Variants in SLC24A2 observed in about 807,000 individuals in gnomAD.
The protein encoded by SLC24A2 is sodium/potassium/calcium exchanger 2.
Under a neutral mutation model 62.0 loss-of-function variants are expected in SLC24A2, and 36 were observed. That is an observed-to-expected ratio of 0.58 (90% confidence interval 0.44 to 0.77). SLC24A2 has a LOEUF of 0.77. Ranked by LOEUF, SLC24A2 falls within the 30% of genes least tolerant of loss-of-function variation. SLC24A2 has a pLI of 0.00. For synonymous variants in SLC24A2, 358 were observed against 294.0 expected (o/e 1.22, Z -2.23); for missense variants, 846 against 817.9 (o/e 1.03, Z -0.42).
Position 19,682,851 on chromosome 9 carries a change from C to T in SLC24A2, c.931-60552G>A, listed in dbSNP as rs141045182. On this transcript the variant is annotated intron_variant, in intron 2 of 10. Coordinates refer to ENST00000341998, the MANE Select transcript of SLC24A2 (RefSeq NM_020344.4). ...TTTGAAGGTAGGGCCAAAGGGAAAC[C>T]CCAGAAAAGTCATGACTTACATCCA... Among the ~76,000 whole-genome samples, 332 of 151,840 alleles carry T rather than the reference C, an allele frequency of 2.2e-3. 3 individuals are homozygous for T. Among genetic ancestry groups the T allele is most frequent in the African/African-American group, 7.6e-3 (316 of 41,412 alleles).
At chr9:20,100,877 A>G in the SLC24A2 span, among the ~76,000 whole-genome samples, 766 of 152,242 alleles carry the variant, frequency 5.0e-3, 10 homozygotes, top group African/African-American at 0.018. Flanking sequence ...TTATCTTGGA[A>G]AGAAGCAAAT....
chr9:19,854,267 AT>A, the SLC24A2 span, among the ~76,000 whole-genome samples: 269 of 151,648 alleles, frequency 1.8e-3, no homozygotes, highest in African/African-American at 6.3e-3. Flanking sequence ...GGATTTGTTG[AT>A]TTTTTTTGAA....
the SLC24A2 span, among the ~76,000 whole-genome samples, chr9:20,282,876 T>G: frequency 6.6e-6 from 1 of 152,228 alleles, no homozygotes; most frequent in Non-Finnish European, 1.5e-5. Flanking sequence ...ATGTAATACA[T>G]GACTCTGCAA....
chr9:20,104,253 G>C, the SLC24A2 span, among the ~76,000 whole-genome samples: 1 of 152,180 alleles, frequency 6.6e-6, no homozygotes, highest in East Asian at 1.9e-4. Context: ...GGGGAGAATG[G>C]AACCAAGTTG....
the SLC24A2 span, among the ~76,000 whole-genome samples, chr9:20,044,009 C>T: frequency 1.8e-3 from 276 of 152,274 alleles, 1 homozygote; most frequent in African/African-American, 6.5e-3. Flanking sequence ...CCAGAGCCAT[C>T]CCAACCATCA....
chr9:19,780,286 G>C (rs1183854890), intron 2 of SLC24A2, among the ~76,000 whole-genome samples: 1 of 110,876 alleles, frequency 9.0e-6, no homozygotes, highest in East Asian at 2.6e-4. Flanking sequence ...TTTTTTTTTT[G>C]AGATGGAGTC....
chr9:19,822,695 T>C, the SLC24A2 span, among the ~76,000 whole-genome samples: 1 of 152,264 alleles, frequency 6.6e-6, no homozygotes, highest in African/African-American at 2.4e-5. Flanking sequence ...GACGATGTGA[T>C]TGCATAGGCT....
At chr9:19,584,273 T>TAAAAAAAAAAAAAAAAACAAAA (rs1836294385) in intron 5 of SLC24A2, among the ~76,000 whole-genome samples, 5 of 119,928 alleles carry the variant, frequency 4.2e-5, no homozygotes, top group Non-Finnish European at 7.0e-5. Context: ...TAGCAAATAG[T>TAAAAAAAAAAAAAAAAACAAAA]AAAAAAAAAA....
At chr9:19,526,389 T>G (rs6475341) in intron 9 of SLC24A2, among the ~76,000 whole-genome samples, 2 of 152,026 alleles carry the variant, frequency 1.3e-5, no homozygotes, top group Non-Finnish European at 2.9e-5. Flanking sequence ...CTAGATCATA[T>G]GGTAACTCTA....
the SLC24A2 span, among the ~76,000 whole-genome samples, chr9:19,962,734 C>A: frequency 6.6e-6 from 1 of 152,170 alleles, no homozygotes; most frequent in East Asian, 1.9e-4. Flanking sequence ...GCTGAAGCTG[C>A]TTATCAGCTT....
the SLC24A2 span, among the ~76,000 whole-genome samples, chr9:20,025,846 T>G: frequency 6.6e-6 from 1 of 152,038 alleles, no homozygotes. Context: ...ATCTGCTCAG[T>G]GAACAGAGGA....
the SLC24A2 span, among the ~76,000 whole-genome samples, chr9:20,100,371 C>A: frequency 6.6e-6 from 1 of 152,158 alleles, no homozygotes; most frequent in African/African-American, 2.4e-5. Context: ...TCCTACTCAC[C>A]TTTTAGTTCT....
the SLC24A2 span, among the ~76,000 whole-genome samples, chr9:20,191,964 G>A: frequency 6.6e-6 from 1 of 152,236 alleles, no homozygotes; most frequent in East Asian, 1.9e-4. Flanking sequence ...GCACAGAGGG[G>A]TAAGATGAAC....
chr9:19,661,374 A>G (rs905646027), intron 2 of SLC24A2, among the ~76,000 whole-genome samples: 9 of 152,232 alleles, frequency 5.9e-5, no homozygotes, highest in African/African-American at 1.9e-4. Flanking sequence ...ACATCTCTGC[A>G]TAAACTACTA....
At chr9:20,084,806 G>C in the SLC24A2 span, among the ~76,000 whole-genome samples, 1 of 152,084 alleles carries the variant, frequency 6.6e-6, no homozygotes, top group African/African-American at 2.4e-5. Context: ...AGTACCATGA[G>C]CCTGATTATG....
In SLC24A2 at chr9:19,543,354, T is replaced by C. The variant is rs560163479; in HGVS notation, c.1479+6783A>G. Among the ~76,000 whole-genome samples the C allele has an allele frequency of 4.3e-4, 65 of 151,998 alleles. 1 individual carries two copies. The highest frequency in any genetic ancestry group is 1.4e-3 in the Admixed American group (22 of 15,230). On this transcript the variant is annotated intron_variant, in intron 8 of 10. Transcript: ENST00000341998. ...AGTCTGGCTAGCAGTCTATCCATTT[T>C]TTGATCTTTTCAAGAAACCAGCTCC...
At chr9:20,098,763 C>T in the SLC24A2 span, among the ~76,000 whole-genome samples, 1 of 152,176 alleles carries the variant, frequency 6.6e-6, no homozygotes, top group African/African-American at 2.4e-5. Context: ...CTTTGTAAAA[C>T]ACAGGACGAA....
At chr9:19,666,011 A>T (rs1160485042) in intron 2 of SLC24A2, among the ~76,000 whole-genome samples, 1 of 152,152 alleles carries the variant, frequency 6.6e-6, no homozygotes, top group African/African-American at 2.4e-5. Flanking sequence ...GTATATGTAA[A>T]GAGCATATGG....
At chr9:19,645,896 G>C (rs1023507900) in intron 2 of SLC24A2, among the ~76,000 whole-genome samples, 1 of 152,216 alleles carries the variant, frequency 6.6e-6, no homozygotes, top group Non-Finnish European at 1.5e-5. Flanking sequence ...ACTTTGAAAT[G>C]CACAGGGCAC....
Sources: allele counts gnomAD v4.1 joint callset (sites outside exome capture counted in the v4.1 genomes callset), GRCh38; gene constraint gnomAD v4.1.1; transcripts MANE v1.5; gene names NCBI Gene and HGNC (gene_info 2026-07-23, HGNC 2026-07-21).